The following CEP192 variants were observed in gnomAD, a reference collection of about 807,000 sequenced individuals.
The protein encoded by CEP192 is centrosomal protein of 192 kDa.
A neutral mutation model predicts 271.8 loss-of-function variants in CEP192; 151 were observed. That is an observed-to-expected ratio of 0.56 (90% CI 0.49 to 0.64). The LOEUF (loss-of-function observed/expected upper bound fraction) is 0.64. CEP192 is among the 30% of genes least tolerant of loss of function. CEP192 has a pLI of 0.00. For missense variants in CEP192, 2,910 were observed against 3,020.5 expected (o/e 0.96, Z 0.86); for synonymous variants, 995 against 1,076.5 (o/e 0.92, Z 1.48).
At chr18:13,109,362 A>C (rs1174232331) in intron 40 of CEP192, among the ~76,000 whole-genome samples, 7 of 152,208 alleles carry the variant, frequency 4.6e-5, no homozygotes, top group Non-Finnish European at 1.0e-4. Context: ...ATGGATATAA[A>C]GATGACAGCA....
chr18:13,068,494 C>T (rs1273712562), intron 24 of CEP192, 72 bp downstream of exon 24: 1 of 1,224,060 alleles, frequency 8.2e-7, no homozygotes, highest in African/African-American at 1.5e-5. Flanking sequence ...AGATGTATTT[C>T]CTTTGTCAAT....
intron 30 of CEP192, among the ~76,000 whole-genome samples, chr18:13,084,598 G>T (rs778067744): frequency 1.3e-5 from 2 of 152,114 alleles, no homozygotes; most frequent in Non-Finnish European, 2.9e-5. Flanking sequence ...GCAATGCCCC[G>T]CCCTGCTTCA....
In CEP192 at chr18:13,096,274, C is replaced by T. The variant is rs763248883; in HGVS notation, c.6524C>T (p.Thr2175Ile). 7 of 1,614,006 alleles carry T rather than the reference C, an allele frequency of 4.3e-6. No homozygotes were observed. Among genetic ancestry groups the T allele is most frequent in the Non-Finnish European group, 5.9e-6 (7 of 1,179,846 alleles). ...FELCWPAHCL[T>I]VTPQHGCVAP... The stretch of plus-strand genomic sequence containing the variant: ...CTGTGCTGGCCAGCGCATTGCCTCA[C>T]AGTCACGCCGCAGCATGGATGTGTC... The change falls in exon 36 of 45, where the codon ACA (threonine) becomes ATA (isoleucine). Residue 2175 changes from threonine to isoleucine, a missense_variant. Coordinates refer to ENST00000506447, the MANE Select transcript of CEP192 (RefSeq NM_032142.4).
intron 27 of CEP192, among the ~76,000 whole-genome samples, chr18:13,070,379 A>G (rs1349467786): frequency 1.3e-5 from 2 of 152,178 alleles, no homozygotes; most frequent in African/African-American, 4.8e-5. Flanking sequence ...ATAAATTACT[A>G]TTTTCAAGTA....
Position 13,058,837 on chromosome 18 carries a change from A to G in CEP192, c.4258-245A>G, listed in dbSNP as rs115910345. On this transcript the variant is annotated intron_variant, in intron 20 of 44. Transcript: ENST00000506447. ...TTAAGACAAGTGAGTGTAAGGGTCA[A>G]TGTGCTTGCTTGGAGGTGGACTGGG... The G allele has an allele frequency of 2.8e-3, 1,414 of 512,348 alleles. 12 individuals are homozygous for G. Among genetic ancestry groups the G allele is most frequent in the African/African-American group, 0.012 (617 of 51,950 alleles). 31.7% of individuals were successfully genotyped at this position (512,348 alleles called of 1,614,324 possible).
Position 13,038,353 on chromosome 18 carries a change from A to G in CEP192, c.1600-17A>G, listed in dbSNP as rs1267640026. On this transcript the variant is annotated splice_polypyrimidine_tract_variant and intron_variant, in intron 12 of 44. Coordinates refer to ENST00000506447, the MANE Select transcript of CEP192 (RefSeq NM_032142.4). ...ACTTGCTGGGGGAAAGAAACGAAAC[A>G]ATAACTTTCTCCCTAGGAAGAAAAC... is the stretch of plus-strand genomic sequence containing the variant. The G allele has an allele frequency of 6.5e-7, 1 of 1,541,102 alleles. No individual in the cohort carries two copies. The highest frequency in any genetic ancestry group is 2.0e-5 in the Admixed American group (1 of 50,970).
intron 9 of CEP192, among the ~76,000 whole-genome samples, chr18:13,028,982 C>T (rs181923867): frequency 1.2e-4 from 19 of 152,164 alleles, no homozygotes; most frequent in Admixed American, 1.0e-3. Flanking sequence ...CCAGGTTGTT[C>T]TTATTGCTTG....
rs868646035 is a variant in CEP192 at position 13,017,245 on chromosome 18, A to G, written c.698A>G (p.Gln233Arg). The change falls in exon 7 of 45, where the codon CAA (glutamine) becomes CGA (arginine). Residue 233 changes from glutamine to arginine, a missense_variant. Physicochemically the swap from Gln to Arg is conservative, Grantham distance 43. Coordinates refer to ENST00000506447, the MANE Select transcript of CEP192 (RefSeq NM_032142.4). Reference sequence around the variant, plus strand: ...GATCATTTGGAGGCTTATTTTGAACAACTGGCAATTCCAGGAATGATATAT... The same window carrying G: ...GATCATTTGGAGGCTTATTTTGAACGACTGGCAATTCCAGGAATGATATAT... ...YDDHLEAYFE[Q>R]LAIPGMIYED... is the part of the protein sequence containing the mutation. 3 of 1,550,002 alleles carry G rather than the reference A, an allele frequency of 1.9e-6. No homozygotes were observed. Among genetic ancestry groups the G allele is most frequent in the Non-Finnish European group, 2.6e-6 (3 of 1,146,032 alleles).
chr18:13,099,608 T>C, intron 37 of CEP192, 27 bp downstream of exon 37: 2 of 1,155,170 alleles, frequency 1.7e-6, no homozygotes, highest in Non-Finnish European at 2.5e-6. Context: ...TTTGGTTTTT[T>C]TTTTGAGTGA....
intron 34 of CEP192, 120 bp from the exon 35 acceptor site, chr18:13,095,383 T>C: frequency 1.3e-6 from 1 of 776,366 alleles, no homozygotes; most frequent in South Asian, 1.8e-5. Flanking sequence ...AACTTTGTCT[T>C]AATGTTTTTA....
At chr18:13,099,603 T>G (rs754612186) in intron 37 of CEP192, 22 bp downstream of exon 37, 1 of 1,072,678 alleles carries the variant, frequency 9.3e-7, no homozygotes, top group South Asian at 1.7e-5. Context: ...AGTGGTTTGG[T>G]TTTTTTTTTG....
intron 1 of CEP192, among the ~76,000 whole-genome samples, chr18:12,996,130 A>G (rs2145749074): frequency 6.7e-6 from 1 of 150,254 alleles, no homozygotes; most frequent in South Asian, 2.1e-4. Context: ...GGAGGCAGAG[A>G]GGAGGCCTGG....
rs75368222 is a variant in CEP192 at position 13,068,340 on chromosome 18, T to A, written c.4759-19T>A. 131,440 of 1,608,260 alleles carry A rather than the reference T, an allele frequency of 0.082. 5,943 individuals carry two copies. Among genetic ancestry groups the A allele is most frequent in the Non-Finnish European group, 0.092 (108,748 of 1,176,690 alleles). On this transcript the variant is annotated intron_variant, in intron 23 of 44. Transcript: ENST00000506447. ...AATACCAGTTTACATTAAGACAAAT[T>A]TTTCTTTTAATTTTATAGGATCCAG...
At chr18:13,114,004 G>T (rs2040321240) in intron 41 of CEP192, 126 bp from the exon 42 acceptor site, 6 of 1,108,716 alleles carry the variant, frequency 5.4e-6, no homozygotes, top group Non-Finnish European at 7.6e-6. Flanking sequence ...CAATTTAGGG[G>T]ATTTAAAAAT....
chr18:13,002,088 C>T (rs929081287), intron 3 of CEP192, among the ~76,000 whole-genome samples: 12 of 151,946 alleles, frequency 7.9e-5, no homozygotes, highest in Non-Finnish European at 1.5e-4. Context: ...CTAAAAGTAA[C>T]GTGCTTTTGA....
Position 13,075,871 on chromosome 18 carries a change from G to A in CEP192, c.5616+2686G>A, listed in dbSNP as rs536943078. Among the ~76,000 whole-genome samples, 15 of 152,312 alleles carry A rather than the reference G, an allele frequency of 9.8e-5. No homozygotes were observed. The South Asian group carries it at 2.9e-3, about 29-fold the overall frequency. ...TAGACACAAGGTTCAAATTCAGTCT[G>A]GGTGAATGCAGAGCCCACGTTTATG... On this transcript the variant is annotated intron_variant, in intron 30 of 44. Transcript: ENST00000506447.
intron 36 of CEP192, among the ~76,000 whole-genome samples, chr18:13,097,663 T>A (rs1214968002): frequency 2.3e-4 from 34 of 146,930 alleles, no homozygotes; most frequent in African/African-American, 4.6e-4. Flanking sequence ...TTTTTTTTTT[T>A]ATTGATCATT....
rs1374660571 is a variant in CEP192 at position 13,059,152 on chromosome 18, A to G, written c.4328A>G (p.Glu1443Gly). The G allele has an allele frequency of 6.2e-7, 1 of 1,613,918 alleles. No homozygotes were observed. The highest frequency in any genetic ancestry group is 8.5e-7 in the Non-Finnish European group (1 of 1,179,824). The change falls in exon 21 of 45, where the codon GAG becomes GGG. Residue 1443 changes from glutamate to glycine, a missense_variant. Physicochemically the swap from Glu to Gly is moderately conservative, Grantham distance 98. Coordinates refer to ENST00000506447, the MANE Select transcript of CEP192 (RefSeq NM_032142.4). ...ATCATAAGACCTCATGCCACAGAAG[A>G]GATAAAAGTGCTTTTTATACCATCC... The part of the protein sequence containing the change: ...KAIIRPHATE[E>G]IKVLFIPSSP...
intron 3 of CEP192, among the ~76,000 whole-genome samples, chr18:13,002,189 G>T (rs1312624464): frequency 6.6e-6 from 1 of 151,968 alleles, no homozygotes. Flanking sequence ...ATTTTTATTT[G>T]TAGTCTTCCA....
Sources: gnomAD v4.1 joint callset for allele counts (sites outside exome capture counted in the v4.1 genomes callset) on GRCh38, gnomAD v4.1.1 for gene constraint, MANE v1.5 for transcripts, NCBI Gene and HGNC (gene_info 2026-07-23, HGNC 2026-07-21) for gene names.